Variants in EXT1 observed in about 807,000 individuals in gnomAD.
EXT1 encodes exostosin-1.
A neutral mutation model predicts 82.5 loss-of-function variants in EXT1; 20 were observed. The observed-to-expected ratio is 0.24, with a 90% confidence interval of 0.17 to 0.35. The LOEUF (loss-of-function observed/expected upper bound fraction) is 0.35, where lower values mean the gene tolerates loss of function less well. Ranked by LOEUF, EXT1 falls within the 10% of genes least tolerant of loss-of-function variation. The probability of loss-of-function intolerance (pLI) is 1.00; values close to 1 mark genes in which losing one functional copy is unlikely to be tolerated. For synonymous variants in EXT1, 348 were observed against 350.8 expected, an observed-to-expected ratio of 0.99 and a Z score of 0.09; for missense variants, 757 against 936.5, an observed-to-expected ratio of 0.81 and a Z score of 2.50.
At chr8:117,875,707 T>C (rs1293193611) in intron 1 of EXT1, among the ~76,000 whole-genome samples, 1 of 152,044 alleles carries the variant, frequency 6.6e-6, no homozygotes, top group Non-Finnish European at 1.5e-5. Flanking sequence ...AGTACCATCT[T>C]TGGGGAGAGG....
intron 1 of EXT1, among the ~76,000 whole-genome samples, chr8:117,904,113 T>C (rs1327789443): frequency 1.3e-5 from 2 of 152,174 alleles, no homozygotes; most frequent in Admixed American, 6.5e-5. Context: ...AAGCTAACAG[T>C]GATACTAAAC....
chr8:118,058,642 TATAGA>T (rs2129938081), intron 1 of EXT1, among the ~76,000 whole-genome samples: 1 of 152,316 alleles, frequency 6.6e-6, no homozygotes, highest in East Asian at 1.9e-4. Context: ...ATCCACCTTA[TATAGA>T]ATACTTTTTC....
At chr8:118,089,069 A>G (rs1476574698) in intron 1 of EXT1, among the ~76,000 whole-genome samples, 1 of 152,202 alleles carries the variant, frequency 6.6e-6, no homozygotes, top group Non-Finnish European at 1.5e-5. Context: ...TTTTGAATAA[A>G]TGGAAAAAAT....
At chr8:117,913,392 C>T (rs145801429) in intron 1 of EXT1, among the ~76,000 whole-genome samples, 251 of 152,276 alleles carry the variant, frequency 1.6e-3, no homozygotes, top group Middle Eastern at 6.8e-3. Flanking sequence ...AGTGGCAGTT[C>T]AGGGTATCTC....
At chr8:117,867,237 C>A (rs1024278120) in intron 1 of EXT1, among the ~76,000 whole-genome samples, 1 of 124,922 alleles carries the variant, frequency 8.0e-6, no homozygotes, top group African/African-American at 3.3e-5. Flanking sequence ...CCAGCCTGGG[C>A]GACAGAGTGA....
intron 1 of EXT1, among the ~76,000 whole-genome samples, chr8:117,926,958 G>A (rs2129642290): frequency 6.6e-6 from 1 of 152,268 alleles, no homozygotes; most frequent in South Asian, 2.1e-4. Context: ...TCTCATCTCA[G>A]AGGTTTCACC....
At chr8:117,982,817 T>C (rs956197941) in intron 1 of EXT1, among the ~76,000 whole-genome samples, 1 of 152,092 alleles carries the variant, frequency 6.6e-6, no homozygotes, top group African/African-American at 2.4e-5. Context: ...TTTGCAAAAA[T>C]ATTTTCAGAG....
intron 1 of EXT1, among the ~76,000 whole-genome samples, chr8:117,861,392 A>G (rs1363805016): frequency 1.3e-5 from 2 of 151,642 alleles, no homozygotes; most frequent in Non-Finnish European, 2.9e-5. Flanking sequence ...TCTCCAATTT[A>G]CTTATTGAGC....
Position 118,111,090 on chromosome 8 carries a change from C to A in EXT1, c.-44G>T. The A allele has an allele frequency of 1.3e-6, 2 of 1,547,312 alleles. No individual in the cohort carries two copies. The highest frequency in any genetic ancestry group is 1.7e-6 in the Non-Finnish European group (2 of 1,152,706). ...GAGGATTGTAAATAAACACAAGAAT[C>A]ACCCAAGTTTCCCAATCAACACTTT... On this transcript the variant is annotated 5_prime_UTR_variant, in exon 1 of 11. Coordinates refer to ENST00000378204, the MANE Select transcript of EXT1 (RefSeq NM_000127.3).
Position 117,794,671 on chromosome 8 carries a change from C to T in EXT1, c.*5041G>A, listed in dbSNP as rs1181819318. 1 of 152,154 alleles carries T rather than the reference C, an allele frequency of 6.6e-6. No individual in the cohort carries two copies. Among genetic ancestry groups the T allele is most frequent in the Non-Finnish European group, 1.5e-5 (1 of 68,042 alleles). 9.4% of individuals were successfully genotyped at this position (152,154 alleles called of 1,614,324 possible). A position where few individuals can be genotyped will look rare whatever the true frequency, so the allele number is the denominator to read the frequency against. On this transcript the variant is annotated 3_prime_UTR_variant, in exon 11 of 11. Transcript: ENST00000378204. ...GGCTTTGTATTTTCTCACACGCGCTCTCTCACACATACTTGAGGGCTTAAT... is the reference window on the plus strand; with the variant it reads ...GGCTTTGTATTTTCTCACACGCGCTTTCTCACACATACTTGAGGGCTTAAT...
intron 1 of EXT1, among the ~76,000 whole-genome samples, chr8:117,929,837 G>C (rs1218791163): frequency 1.3e-5 from 2 of 152,204 alleles, no homozygotes; most frequent in Non-Finnish European, 2.9e-5. Context: ...GCCAGGCGTG[G>C]TGCCTCACAC....
rs749767023 is a variant in EXT1 at position 118,110,946 on chromosome 8, T to C, written c.101A>G (p.His34Arg). ...ACCGCTGTGTTCTTCTCTCCGGCTG[T>C]GGCTCCTCGATGCCCTAAACTGCAA... ...GGLQFRASRSHSRREEHSGRN... is the reference protein window; with the variant it reads ...GGLQFRASRSRSRREEHSGRN... Residue 34 changes from histidine to arginine, a missense_variant, in exon 1 of 11, where the codon CAC (histidine) becomes CGC (arginine). Transcript: ENST00000378204. 2 of 1,613,460 alleles carry C rather than the reference T, an allele frequency of 1.2e-6. No individual in the cohort carries two copies. Among genetic ancestry groups the C allele is most frequent in the South Asian group, 2.2e-5 (2 of 91,062 alleles).
chr8:117,863,184 C>G lies in EXT1; in HGVS notation c.963-25983G>C, dbSNP rs1019800228. ...CCTTCACTTATTTCTCACAATAACTCTAAAAGGCAAGTACTATTAGTATCA... is the reference window on the plus strand; with the variant it reads ...CCTTCACTTATTTCTCACAATAACTGTAAAAGGCAAGTACTATTAGTATCA... On this transcript the variant is annotated intron_variant, in intron 1 of 10. Coordinates refer to ENST00000378204, the MANE Select transcript of EXT1 (RefSeq NM_000127.3). Among the ~76,000 whole-genome samples the G allele has an allele frequency of 2.8e-5, 4 of 145,442 alleles. 1 individual carries two copies. Among genetic ancestry groups the G allele is most frequent in the Non-Finnish European group, 6.2e-5 (4 of 64,712 alleles).
intron 1 of EXT1, among the ~76,000 whole-genome samples, chr8:117,962,475 G>T (rs190057431): frequency 6.6e-6 from 1 of 152,182 alleles, no homozygotes; most frequent in East Asian, 1.9e-4. Context: ...AAGAATGGCT[G>T]GGCACAGTGG....
At chr8:117,890,991 C>G (rs555313952) in intron 1 of EXT1, among the ~76,000 whole-genome samples, 1 of 152,334 alleles carries the variant, frequency 6.6e-6, no homozygotes, top group South Asian at 2.1e-4. Context: ...TATACACCCC[C>G]ATCCTGTGAC....
rs34797595 is a variant in EXT1 at position 118,056,075 on chromosome 8, G to GA, written c.962+54009dup. On this transcript the variant is annotated intron_variant, in intron 1 of 10. Coordinates refer to ENST00000378204, the MANE Select transcript of EXT1 (RefSeq NM_000127.3). ...ACACTTGTGATAGCTGATGAGCTAG[G>GA]AAAAAAAAAATCACAGAAAATATCA... is the stretch of plus-strand genomic sequence containing the variant. 9.4e-3 allele frequency among the ~76,000 whole-genome samples: 1,413 copies of GA among 150,714 alleles called. 21 individuals are homozygous for GA. Among genetic ancestry groups the GA allele is most frequent in the African/African-American group, 0.031 (1,277 of 41,080 alleles).
At chr8:117,905,392 T>G (rs1173148354) in intron 1 of EXT1, among the ~76,000 whole-genome samples, 1 of 152,172 alleles carries the variant, frequency 6.6e-6, no homozygotes, top group Admixed American at 6.5e-5. Context: ...TCCTGTTGTT[T>G]TAATATGGTG....
intron 1 of EXT1, among the ~76,000 whole-genome samples, chr8:117,889,803 C>T (rs774790617): frequency 1.3e-5 from 2 of 152,172 alleles, no homozygotes; most frequent in Non-Finnish European, 2.9e-5. Context: ...ATAAAATCAT[C>T]GTGAGATCTA....
chr8:117,811,886 T>C (rs896797727), intron 8 of EXT1, among the ~76,000 whole-genome samples: 3 of 152,182 alleles, frequency 2.0e-5, no homozygotes, highest in African/African-American at 4.8e-5. Context: ...AGTGCTGGGA[T>C]TACAGGCGTG....
Sources: gnomAD v4.1 joint callset for allele counts (sites outside exome capture counted in the v4.1 genomes callset) on GRCh38, gnomAD v4.1.1 for gene constraint, MANE v1.5 for transcripts, NCBI Gene and HGNC (gene_info 2026-07-23, HGNC 2026-07-21) for gene names.